Variants in MCPH1 observed in about 807,000 individuals in gnomAD.
The protein encoded by MCPH1 is microcephalin.
In MCPH1, 104 loss-of-function variants were observed where a neutral mutation model predicts 84.5. The ratio of observed to expected loss-of-function variants is 1.23; its 90% CI spans 1.05 to 1.45. The LOEUF (loss-of-function observed/expected upper bound fraction) is 1.45, where lower values mean the gene tolerates loss of function less well. MCPH1 is among the 40% of genes most tolerant of loss of function. The pLI, the probability that MCPH1 is intolerant of heterozygous loss-of-function variation, is 0.00. For missense variants in MCPH1, 1,498 were observed against 1,005.7 expected (o/e 1.49, Z -6.62); for synonymous variants, 514 against 366.8 (o/e 1.40, Z -4.58).
intron 12 of MCPH1, among the ~76,000 whole-genome samples, chr8:6,523,128 G>A (rs1817676982): frequency 6.6e-6 from 1 of 151,980 alleles, no homozygotes; most frequent in Non-Finnish European, 1.5e-5. Context: ...CTCCCGAGTA[G>A]CTGGGACTAC....
intron 12 of MCPH1, among the ~76,000 whole-genome samples, chr8:6,541,355 G>A (rs1821533795): frequency 6.6e-6 from 1 of 152,170 alleles, no homozygotes; most frequent in Admixed American, 6.5e-5. Context: ...GGTAACTCGG[G>A]GCCACGTGGA....
At chr8:6,583,098 C>G (rs190713965) in intron 12 of MCPH1, among the ~76,000 whole-genome samples, 1 of 152,162 alleles carries the variant, frequency 6.6e-6, no homozygotes, top group Non-Finnish European at 1.5e-5. Flanking sequence ...TGCTTTTCAT[C>G]TTGGCAATCT....
intron 11 of MCPH1, among the ~76,000 whole-genome samples, chr8:6,499,420 G>T (rs1432743974): frequency 6.6e-6 from 1 of 152,148 alleles, no homozygotes; most frequent in Non-Finnish European, 1.5e-5. Flanking sequence ...AAAGTCACAA[G>T]CCAAAGGGAT....
intron 11 of MCPH1, among the ~76,000 whole-genome samples, chr8:6,493,702 ACCCAGCATTAGG>A (rs1810918917): frequency 6.6e-6 from 1 of 152,072 alleles, no homozygotes; most frequent in Non-Finnish European, 1.5e-5. Context: ...TAGTCCTGTG[ACCCAGCATTAGG>A]TCCCCAGGAT....
intron 12 of MCPH1, among the ~76,000 whole-genome samples, chr8:6,561,168 G>T (rs1023830868): frequency 5.9e-5 from 9 of 152,228 alleles, no homozygotes; most frequent in Admixed American, 5.2e-4. Context: ...ACACAGCTAT[G>T]AATTTTAGAA....
chr8:6,510,204 G>A (rs971372358), intron 12 of MCPH1, among the ~76,000 whole-genome samples: 2 of 149,694 alleles, frequency 1.3e-5, no homozygotes, highest in East Asian at 2.0e-4. Context: ...AGTTTCTGCT[G>A]CAAAGAAGCT....
rs1328109877 is a variant in MCPH1 at position 6,621,508 on chromosome 8, G to A, written c.2269G>A (p.Ala757Thr). The A allele has an allele frequency of 3.1e-6, 5 of 1,614,122 alleles. No homozygotes were observed. Among genetic ancestry groups the A allele is most frequent in the Admixed American group, 3.3e-5 (2 of 60,020 alleles). Residue 757 changes from alanine to threonine, a missense_variant, in exon 13 of 14, where the codon GCC becomes ACC. By Grantham distance (58) the Ala-to-Thr change is moderately conservative (BLOSUM62 0). Transcript: ENST00000344683. ...AGGGCCGTACCGCGGAACCCTCTTTGCCGACCAGCCAGCGATGTTTGTCTC... is the reference window on the plus strand; with the variant it reads ...AGGGCCGTACCGCGGAACCCTCTTTACCGACCAGCCAGCGATGTTTGTCTC... ...SAGPYRGTLF[A>T]DQPAMFVSPA...
chr8:6,524,009 C>T (rs1817870698), intron 12 of MCPH1, among the ~76,000 whole-genome samples: 1 of 151,892 alleles, frequency 6.6e-6, no homozygotes, highest in Admixed American at 6.6e-5. Flanking sequence ...AAAGATGTTT[C>T]AATATCTTCA....
At chr8:6,493,412 C>T (rs948563252) in intron 11 of MCPH1, among the ~76,000 whole-genome samples, 5 of 152,194 alleles carry the variant, frequency 3.3e-5, no homozygotes, top group African/African-American at 1.2e-4. Flanking sequence ...CTTGTTTTCC[C>T]TCTCACCACC....
At chr8:6,409,171 C>T (rs1798186280) in intron 1 of MCPH1, 108 bp from the exon 2 acceptor site, 1 of 907,258 alleles carries the variant, frequency 1.1e-6, no homozygotes, top group South Asian at 1.4e-5. Flanking sequence ...CAGGCGTGAG[C>T]CACTGTGCCG....
chr8:6,494,824 G>T (rs1586102351), intron 11 of MCPH1, among the ~76,000 whole-genome samples: 1 of 152,240 alleles, frequency 6.6e-6, no homozygotes, highest in East Asian at 1.9e-4. Context: ...CTAGAAAGAG[G>T]AGCTGGTTGC....
intron 1 of MCPH1, among the ~76,000 whole-genome samples, chr8:6,407,390 G>C (rs141197285): frequency 6.6e-6 from 1 of 152,210 alleles, no homozygotes; most frequent in Non-Finnish European, 1.5e-5. Flanking sequence ...CGGACGTTTA[G>C]GTGACTCTCC....
chr8:6,626,451 T>A (rs1348118261), intron 13 of MCPH1: 8 of 984,064 alleles, frequency 8.1e-6, no homozygotes, highest in Non-Finnish European at 7.2e-6. Flanking sequence ...AGAAATGGGG[T>A]TGTTGTTTGG....
chr8:6,434,958 A>G (rs969591450), intron 4 of MCPH1, among the ~76,000 whole-genome samples: 1 of 152,206 alleles, frequency 6.6e-6, no homozygotes, highest in Non-Finnish European at 1.5e-5. Context: ...GTCAATGGGC[A>G]GTTCCAAGAA....
At chr8:6,484,519 G>C (rs1203518235) in intron 11 of MCPH1, among the ~76,000 whole-genome samples, 1 of 152,252 alleles carries the variant, frequency 6.6e-6, no homozygotes, top group African/African-American at 2.4e-5. Flanking sequence ...CCCACTCCCA[G>C]ATATTTGCCT....
intron 12 of MCPH1, among the ~76,000 whole-genome samples, chr8:6,559,987 T>G (rs1825271151): frequency 6.6e-6 from 1 of 152,242 alleles, no homozygotes; most frequent in Non-Finnish European, 1.5e-5. Context: ...AGGGGCAGCG[T>G]GGGACCTTTT....
intron 12 of MCPH1, among the ~76,000 whole-genome samples, chr8:6,535,289 G>C (rs1192353999): frequency 6.6e-6 from 1 of 152,020 alleles, no homozygotes; most frequent in African/African-American, 2.4e-5. Flanking sequence ...AGATATGAGA[G>C]GATTGTTTAT....
intron 12 of MCPH1, among the ~76,000 whole-genome samples, chr8:6,598,571 G>A (rs887798810): frequency 2.0e-5 from 3 of 152,214 alleles, no homozygotes; most frequent in African/African-American, 7.2e-5. Context: ...TCGGGGCAAA[G>A]CAGGCTTTCT....
Position 6,444,318 on chromosome 8 carries a change from A to G in MCPH1, c.671-75A>G, listed in dbSNP as rs545957269. The stretch of plus-strand genomic sequence containing the variant: ...ATAGCTGTACTTTAAAAGTTGTTTT[A>G]TTGGTCAACTGAAAGTTGAATATAG... On this transcript the variant is annotated intron_variant, in intron 7 of 13. Coordinates refer to ENST00000344683, the MANE Select transcript of MCPH1 (RefSeq NM_024596.5). 3.8e-4 allele frequency: 593 copies of G among 1,554,654 alleles called. 4 individuals are homozygous for G. In the African/African-American group the frequency reaches 7.2e-3, roughly 19 times the overall value.
Sources: allele counts gnomAD v4.1 joint callset (sites outside exome capture counted in the v4.1 genomes callset), GRCh38; gene constraint gnomAD v4.1.1; transcripts MANE v1.5; gene names NCBI Gene and HGNC (gene_info 2026-07-23, HGNC 2026-07-21).